The following MOB3B variants were observed in gnomAD, a reference collection of about 807,000 sequenced individuals.
MOB3B encodes the protein MOB kinase activator 3B.
MOB3B carries 7 observed loss-of-function variants against 18.7 expected under a neutral mutation model. The ratio of observed to expected loss-of-function variants is 0.37; its 90% CI spans 0.21 to 0.70. The LOEUF (loss-of-function observed/expected upper bound fraction) is 0.70. Among genes scored for constraint, MOB3B ranks in the 30% least tolerant of loss-of-function variants. The pLI is 0.52. For synonymous variants in MOB3B, 111 were observed against 99.9 expected, an observed-to-expected ratio of 1.11 and a Z score of -0.66; for missense variants, 253 against 281.3, an observed-to-expected ratio of 0.90 and a Z score of 0.72.
At chr9:27,518,691 G>A (rs935464026) in intron 1 of MOB3B, among the ~76,000 whole-genome samples, 4 of 152,146 alleles carry the variant, frequency 2.6e-5, no homozygotes, top group Admixed American at 2.0e-4. Flanking sequence ...TTTGTCCAAA[G>A]AGCCCCTCTA....
chr9:27,508,147 A>G (rs1035726026), intron 1 of MOB3B, among the ~76,000 whole-genome samples: 1 of 152,204 alleles, frequency 6.6e-6, no homozygotes, highest in African/African-American at 2.4e-5. Context: ...CGTACTCAGG[A>G]TATCAAAATC....
chr9:27,448,213 G>A (rs1490333358), intron 2 of MOB3B, among the ~76,000 whole-genome samples: 1 of 152,158 alleles, frequency 6.6e-6, no homozygotes, highest in Admixed American at 6.5e-5. Context: ...TGTGACCCTG[G>A]CAAGTTACTT....
intron 2 of MOB3B, among the ~76,000 whole-genome samples, chr9:27,451,447 T>C (rs1033409167): frequency 6.6e-6 from 1 of 152,182 alleles, no homozygotes; most frequent in African/African-American, 2.4e-5. Context: ...TCTGAGAAAG[T>C]TCGACTTCTG....
Position 27,515,344 on chromosome 9 carries a change from G to A in MOB3B, c.-199+14211C>T, listed in dbSNP as rs371446654. ...GTGGATTTTAACCCAAACCCTTTAC[G>A]ACACTAGTCCTGTAAAAAGACAATG... On this transcript the variant is annotated intron_variant, in intron 1 of 3. Coordinates refer to ENST00000262244, the MANE Select transcript of MOB3B (RefSeq NM_024761.5). Among the ~76,000 whole-genome samples, 9 of 152,030 alleles carry A rather than the reference G, an allele frequency of 5.9e-5. No individual in the cohort carries two copies. The East Asian group carries it at 1.3e-3, about 23-fold the overall frequency.
intron 3 of MOB3B, among the ~76,000 whole-genome samples, chr9:27,341,048 A>G (rs116183507): frequency 0.043 from 6,613 of 152,306 alleles, 153 homozygotes; most frequent in Middle Eastern, 0.065. Flanking sequence ...GCAGTTCCTT[A>G]AAGGCTGGAT....
At chr9:27,435,732 T>C (rs1822490666) in intron 2 of MOB3B, among the ~76,000 whole-genome samples, 1 of 152,172 alleles carries the variant, frequency 6.6e-6, no homozygotes, top group East Asian at 1.9e-4. Flanking sequence ...CCCCAGTAGC[T>C]GAAATTACAG....
rs372493521 is a variant in MOB3B at position 27,384,685 on chromosome 9, A to G, written c.419-25449T>C. On this transcript the variant is annotated intron_variant, in intron 2 of 3. Transcript: ENST00000262244. ...GGAAGGCAGCAATGCTCTTTCCCCA[A>G]TGGCTCCCTCCAGTATTTCCCTGGC... Among the ~76,000 whole-genome samples, 6 of 152,152 alleles carry G rather than the reference A, an allele frequency of 3.9e-5. No homozygotes were observed. In the East Asian group the frequency reaches 5.8e-4, roughly 15 times the overall value.
chr9:27,452,955 T>A (rs916442356), intron 2 of MOB3B, among the ~76,000 whole-genome samples: 3 of 152,170 alleles, frequency 2.0e-5, no homozygotes, highest in Non-Finnish European at 4.4e-5. Flanking sequence ...AGATAAATTA[T>A]ACAATGTGGT....
At chr9:27,524,527 T>C in intron 1 of MOB3B, 2 of 1,614,108 alleles carry the variant, frequency 1.2e-6, no homozygotes, top group Non-Finnish European at 1.7e-6. Flanking sequence ...CGAGAAAACA[T>C]AGCTTTTGAG....
intron 1 of MOB3B, among the ~76,000 whole-genome samples, chr9:27,459,002 A>T (rs970541860): frequency 7.7e-6 from 1 of 130,258 alleles, no homozygotes; most frequent in Non-Finnish European, 1.6e-5. Flanking sequence ...AAATAGGTTG[A>T]TCAGGTAGGC....
rs1163594803 is a variant in MOB3B at position 27,411,263 on chromosome 9, G to C, written c.418+43870C>G. On this transcript the variant is annotated intron_variant, in intron 2 of 3. Coordinates refer to ENST00000262244, the MANE Select transcript of MOB3B (RefSeq NM_024761.5). ...TGTACCTGAGAAAGTCCTGGGGTTG[G>C]AGGGAAGGGTACTATTGCAGAGGAG... Among the ~76,000 whole-genome samples the C allele has an allele frequency of 3.3e-5, 5 of 152,200 alleles. No homozygotes were observed. In the East Asian group the frequency reaches 9.6e-4, roughly 29 times the overall value.
At chr9:27,431,279 T>C (rs1267093103) in intron 2 of MOB3B, among the ~76,000 whole-genome samples, 1 of 152,228 alleles carries the variant, frequency 6.6e-6, no homozygotes, top group African/African-American at 2.4e-5. Context: ...ACTAGAGATG[T>C]AACATGTGGT....
chr9:27,505,852 C>T (rs1337563552), intron 1 of MOB3B, among the ~76,000 whole-genome samples: 2 of 152,146 alleles, frequency 1.3e-5, no homozygotes, highest in African/African-American at 2.4e-5. Flanking sequence ...ACTCATTTCC[C>T]GTAGAGCCAT....
chr9:27,423,924 C>T (rs1408432994), intron 2 of MOB3B, among the ~76,000 whole-genome samples: 1 of 152,190 alleles, frequency 6.6e-6, no homozygotes, highest in East Asian at 1.9e-4. Flanking sequence ...AATCTGCCCA[C>T]TTTACAGGTG....
intron 3 of MOB3B, among the ~76,000 whole-genome samples, chr9:27,344,878 G>C (rs532198789): frequency 1.8e-4 from 27 of 152,366 alleles, no homozygotes; most frequent in African/African-American, 6.5e-4. Flanking sequence ...AGGCTCTACT[G>C]TTTGGAATAG....
chr9:27,455,874 G>T, intron 1 of MOB3B, 126 bp from the exon 2 acceptor site: 2 of 953,404 alleles, frequency 2.1e-6, no homozygotes, highest in Non-Finnish European at 2.8e-6. Context: ...ATATGGGCAT[G>T]GGGGTTAAGC....
chr9:27,386,192 G>A (rs1375608718), intron 2 of MOB3B, among the ~76,000 whole-genome samples: 3 of 152,218 alleles, frequency 2.0e-5, no homozygotes, highest in Non-Finnish European at 2.9e-5. Flanking sequence ...TTGGGCAGCC[G>A]ACTTCTCTTT....
chr9:27,335,038 C>G (rs1019097301), intron 3 of MOB3B, among the ~76,000 whole-genome samples: 1 of 152,270 alleles, frequency 6.6e-6, no homozygotes, highest in East Asian at 1.9e-4. Context: ...ATCTCCTGAC[C>G]TCGTGATCCG....
intron 1 of MOB3B, among the ~76,000 whole-genome samples, chr9:27,462,703 G>A (rs896243529): frequency 1.3e-5 from 2 of 152,152 alleles, no homozygotes; most frequent in Non-Finnish European, 2.9e-5. Flanking sequence ...TCAAATTCAA[G>A]GAAGTTGGAT....
Sources: allele counts gnomAD v4.1 joint callset (sites outside exome capture counted in the v4.1 genomes callset), GRCh38; gene constraint gnomAD v4.1.1; transcripts MANE v1.5; gene names NCBI Gene and HGNC (gene_info 2026-07-23, HGNC 2026-07-21).